The following SH3GL1 variants were observed in gnomAD, a reference collection of about 807,000 sequenced individuals.
The protein encoded by SH3GL1 is SH3 domain containing GRB2 like 1, endophilin A2, also known as endophilin-A2.
Under a neutral mutation model 48.8 loss-of-function variants are expected in SH3GL1, and 21 were observed. The ratio of observed to expected loss-of-function variants is 0.43; its 90% CI spans 0.30 to 0.62. The LOEUF is 0.62. Among genes scored for constraint, SH3GL1 ranks in the 20% least tolerant of loss-of-function variants. The probability of loss-of-function intolerance (pLI) is 0.11; values close to 1 mark genes in which losing one functional copy is unlikely to be tolerated. For synonymous variants in SH3GL1, 282 were observed against 217.5 expected (o/e 1.30, Z -2.61); for missense variants, 454 against 503.0 (o/e 0.90, Z 0.93).
At chr19:4,378,253 G>A (rs891605926) in intron 1 of SH3GL1, among the ~76,000 whole-genome samples, 8 of 152,164 alleles carry the variant, frequency 5.3e-5, no homozygotes, top group Non-Finnish European at 7.4e-5. Flanking sequence ...GTGCCGTAAC[G>A]CCACGAGGCA....
At chr19:4,370,747 G>T (rs570061078) in intron 1 of SH3GL1, among the ~76,000 whole-genome samples, 1 of 152,366 alleles carries the variant, frequency 6.6e-6, no homozygotes, top group South Asian at 2.1e-4. Flanking sequence ...ACATGTCCCC[G>T]CCTGGAGCAG....
intron 1 of SH3GL1, among the ~76,000 whole-genome samples, chr19:4,381,280 C>CCT (rs367992130): frequency 4.3e-4 from 52 of 120,054 alleles, no homozygotes; most frequent in African/African-American, 1.4e-3. Context: ...CTCTGTCTCC[C>CCT]GTCTCCCTCT....
At chr19:4,399,319 CAAA>C (rs58263818) in intron 1 of SH3GL1, among the ~76,000 whole-genome samples, 3 of 49,622 alleles carry the variant, frequency 6.0e-5, no homozygotes, top group African/African-American at 8.7e-5. Context: ...GACTCCCTCT[CAAA>C]AAAAAAAAAA....
intron 2 of SH3GL1, 108 bp from the exon 3 acceptor site, chr19:4,366,681 C>T: frequency 9.2e-7 from 1 of 1,081,934 alleles, no homozygotes; most frequent in Non-Finnish European, 1.4e-6. Context: ...ACCAGGACCC[C>T]CCAACCCCCT....
intron 1 of SH3GL1, among the ~76,000 whole-genome samples, chr19:4,393,850 C>T (rs61377345): frequency 1.3e-5 from 2 of 151,970 alleles, no homozygotes; most frequent in Non-Finnish European, 2.9e-5. Flanking sequence ...TAGGTCAGAA[C>T]AAGCAGTATC....
At position 4,363,806 on chromosome 19, in the gene SH3GL1, C is replaced by T. The variant is rs748121251; in HGVS notation, c.538G>A (p.Asp180Asn). The change falls in exon 6 of 10, where the codon GAT becomes AAT. Residue 180 changes from aspartate to asparagine, a missense_variant. By Grantham distance (23) the Asp-to-Asn change is conservative (BLOSUM62 1). Coordinates refer to ENST00000269886, the MANE Select transcript of SH3GL1 (RefSeq NM_003025.4). Reference protein sequence around the residue: ...YKKKRQGKIPDEELRQALEKF... With the variant: ...YKKKRQGKIPNEELRQALEKF... The stretch of plus-strand genomic sequence containing the variant: ...TCCAGCGCCTGGCGTAGCTCCTCAT[C>T]GGGGATCTTGCCCTGCCGCTTCTTC... 26 of 1,613,512 alleles carry T rather than the reference C, an allele frequency of 1.6e-5. No individual in the cohort carries two copies. Among genetic ancestry groups the T allele is most frequent in the Middle Eastern group, 1.7e-4 (1 of 5,726 alleles).
At chr19:4,396,353 C>G (rs1344338290) in intron 1 of SH3GL1, among the ~76,000 whole-genome samples, 1 of 152,094 alleles carries the variant, frequency 6.6e-6, no homozygotes, top group Non-Finnish European at 1.5e-5. Context: ...GAGCCGAGAT[C>G]GTGCCATTGT....
rs1307115232 is a variant in SH3GL1 at position 4,400,202 on chromosome 19, G to A, written c.45+122C>T. On this transcript the variant is annotated intron_variant, in intron 1 of 9. Transcript: ENST00000269886. This position sits in a 1 kb window ranked among gnomAD's most constrained non-coding sequence, Gnocchi z 4.1. Reference sequence around the variant, plus strand: ...TCCCTTGGTCTTCCCACCTGGCAGGGGACACGCGCCAACGTCCCCACCTCG... The same window carrying A: ...TCCCTTGGTCTTCCCACCTGGCAGGAGACACGCGCCAACGTCCCCACCTCG... The A allele has an allele frequency of 4.6e-6, 5 of 1,084,588 alleles. No homozygotes were observed. The African/African-American group carries it at 6.6e-5, about 14-fold the overall frequency. 67.2% of individuals were successfully genotyped at this position (1,084,588 alleles called of 1,614,324 possible).
chr19:4,391,733 A>G (rs1973340716), intron 1 of SH3GL1, among the ~76,000 whole-genome samples: 1 of 152,206 alleles, frequency 6.6e-6, no homozygotes, highest in Admixed American at 6.5e-5. Context: ...CTTTGGGGAA[A>G]GGCAGTCTCA....
chr19:4,385,168 G>C lies in SH3GL1; in HGVS notation c.45+15156C>G, dbSNP rs1568418856. 3.3e-5 allele frequency among the ~76,000 whole-genome samples: 5 copies of C among 152,158 alleles called. No individual in the cohort carries two copies. In the South Asian group the frequency reaches 1.0e-3, roughly 32 times the overall value. ...AAGCACGTGATCCTGTTGACAGGCA[G>C]TGTGGACCGCCACACAACCCTGCGT... is the stretch of plus-strand genomic sequence containing the variant. On this transcript the variant is annotated intron_variant, in intron 1 of 9. Transcript: ENST00000269886.
rs7769 is a variant in SH3GL1, at chr19:4,360,546, G to A, written c.*1054C>T. 0.19 allele frequency: 43,499 copies of A among 233,414 alleles called. 4,942 individuals carry two copies. The highest frequency in any genetic ancestry group is 0.26 in the Admixed American group (4,584 of 17,780). The allele number at this position is 233,414 out of a possible 1,614,324, so 14.5% of individuals were successfully genotyped here. ...GTCCGGAGGCTTCACTGGACCACAGGGGGAGGGGAATGTGAATGTGGCCTG... is the reference window on the plus strand; with the variant it reads ...GTCCGGAGGCTTCACTGGACCACAGAGGGAGGGGAATGTGAATGTGGCCTG... On this transcript the variant is annotated 3_prime_UTR_variant, in exon 10 of 10. Transcript: ENST00000269886.
At chr19:4,370,266 T>C (rs1193261895) in intron 1 of SH3GL1, among the ~76,000 whole-genome samples, 1 of 152,202 alleles carries the variant, frequency 6.6e-6, no homozygotes, top group East Asian at 1.9e-4. Flanking sequence ...CAGCAGTCCA[T>C]TCCTGCCGAG....
chr19:4,363,757 A>C lies in SH3GL1; in HGVS notation c.587T>G (p.Val196Gly). ...GAGGTTGTGCATGCTGGTTTCTGCC[A>C]CCTCCTTGGACTCCTCGAACTTCTC... Reference protein sequence around the residue: ...ALEKFEESKEVAETSMHNLLE... With the variant: ...ALEKFEESKEGAETSMHNLLE... The change falls in exon 6 of 10, where the codon GTG (valine) becomes GGG (glycine). Residue 196 changes from valine (V) to glycine (G), a missense_variant. Physicochemically the swap from Val to Gly is moderately radical, Grantham distance 109. Transcript: ENST00000269886. 2 of 1,613,534 alleles carry C rather than the reference A, an allele frequency of 1.2e-6. No individual in the cohort carries two copies. Among genetic ancestry groups the C allele is most frequent in the Non-Finnish European group, 1.7e-6 (2 of 1,180,000 alleles).
At chr19:4,381,187 CCTCTCTCTCCCAT>C (rs1973117375) in intron 1 of SH3GL1, among the ~76,000 whole-genome samples, 1 of 135,266 alleles carries the variant, frequency 7.4e-6, no homozygotes, top group African/African-American at 2.8e-5. Flanking sequence ...TGTCCCCCTG[CCTCTCTCTCCCAT>C]CTCTCTCTGT....
intron 1 of SH3GL1, among the ~76,000 whole-genome samples, chr19:4,386,978 C>T (rs1036972204): frequency 7.9e-5 from 12 of 152,172 alleles, no homozygotes; most frequent in African/African-American, 2.4e-4. Context: ...GCTCTGTCGC[C>T]CAGGCTGGAG....
intron 1 of SH3GL1, among the ~76,000 whole-genome samples, chr19:4,370,949 G>A (rs1226881341): frequency 6.6e-6 from 1 of 152,240 alleles, no homozygotes; most frequent in African/African-American, 2.4e-5. Context: ...GATGCCCAGC[G>A]GAGACCTGCC....
intron 1 of SH3GL1, among the ~76,000 whole-genome samples, chr19:4,378,026 A>AC (rs752988157): frequency 3.3e-5 from 5 of 151,454 alleles, no homozygotes; most frequent in Non-Finnish European, 5.9e-5. Flanking sequence ...TCGCCAACCC[A>AC]CCCCAAGTTC....
intron 1 of SH3GL1, among the ~76,000 whole-genome samples, chr19:4,382,247 C>T (rs948762469): frequency 3.4e-5 from 5 of 146,068 alleles, no homozygotes; most frequent in South Asian, 2.2e-4. Flanking sequence ...GAAGGTGCTC[C>T]GCTTTCTTTT....
intron 1 of SH3GL1, among the ~76,000 whole-genome samples, chr19:4,391,204 C>T (rs757446676): frequency 3.9e-5 from 6 of 152,156 alleles, no homozygotes; most frequent in African/African-American, 1.2e-4. Context: ...ACAGCGGCCA[C>T]CCCTGGGTGG....
Sources: allele counts gnomAD v4.1 joint callset (sites outside exome capture counted in the v4.1 genomes callset), GRCh38; gene constraint gnomAD v4.1.1; non-coding constraint Gnocchi (gnomAD v3.1); transcripts MANE v1.5; gene names NCBI Gene and HGNC (gene_info 2026-07-23, HGNC 2026-07-21).